Variants in ADAMTS16 observed in about 807,000 individuals in gnomAD.
ADAMTS16 encodes the protein ADAM metallopeptidase with thrombospondin type 1 motif 16.
A neutral mutation model predicts 145.8 loss-of-function variants in ADAMTS16; 94 were observed. The observed-to-expected ratio is 0.64, with a 90% CI of 0.55 to 0.77. ADAMTS16 has a LOEUF of 0.77. Among genes scored for constraint, ADAMTS16 ranks in the 30% least tolerant of loss-of-function variants. The pLI is 0.00. For synonymous variants in ADAMTS16, 659 were observed against 604.3 expected, an observed-to-expected ratio of 1.09 and a Z score of -1.33; for missense variants, 1,585 against 1,591.5, an observed-to-expected ratio of 1.00 and a Z score of 0.07.
At chr5:5,303,872 A>G (rs1473489244) in intron 20 of ADAMTS16, 106 bp downstream of exon 20, 1 of 1,305,284 alleles carries the variant, frequency 7.7e-7, no homozygotes, top group African/African-American at 1.5e-5. Context: ...CTCCCCTTAT[A>G]TCTCTTCTTG....
intron 18 of ADAMTS16, among the ~76,000 whole-genome samples, chr5:5,290,859 C>A (rs1739282699): frequency 6.6e-6 from 1 of 152,156 alleles, no homozygotes; most frequent in Non-Finnish European, 1.5e-5. Flanking sequence ...GTTCTTCCCG[C>A]TGTGACCATT....
intron 20 of ADAMTS16, among the ~76,000 whole-genome samples, chr5:5,304,575 G>A (rs1379495337): frequency 6.6e-6 from 1 of 152,082 alleles, no homozygotes; most frequent in African/African-American, 2.4e-5. Context: ...ACGCTCCTCA[G>A]GGAGGGACCC....
chr5:5,209,011 G>T, intron 9 of ADAMTS16, 82 bp from the exon 10 acceptor site: 1 of 1,452,338 alleles, frequency 6.9e-7, no homozygotes, highest in South Asian at 1.4e-5. Context: ...AAAATTACAT[G>T]GGGGAGAAAG....
At chr5:5,163,379 A>G (rs866845159) in intron 3 of ADAMTS16, among the ~76,000 whole-genome samples, 1 of 152,198 alleles carries the variant, frequency 6.6e-6, no homozygotes, top group Non-Finnish European at 1.5e-5. Flanking sequence ...TCATCTGAAG[A>G]TTATACAATT....
At chr5:5,306,310 C>T (rs1740151151) in intron 20 of ADAMTS16, among the ~76,000 whole-genome samples, 194 bp from the exon 21 acceptor site, 1 of 152,138 alleles carries the variant, frequency 6.6e-6, no homozygotes, top group African/African-American at 2.4e-5. Context: ...TGATGCTGTG[C>T]CACTGACTTC....
At chr5:5,210,250 GT>G (rs1046747055) in intron 10 of ADAMTS16, among the ~76,000 whole-genome samples, 75 of 151,938 alleles carry the variant, frequency 4.9e-4, no homozygotes, top group African/African-American at 1.6e-3. Context: ...AAACTAATGG[GT>G]TTTTTTCAAA....
At chr5:5,272,978 G>A (rs1738539867) in intron 18 of ADAMTS16, among the ~76,000 whole-genome samples, 1 of 152,162 alleles carries the variant, frequency 6.6e-6, no homozygotes, top group Admixed American at 6.5e-5. Context: ...TACTTGCAGG[G>A]GGAAGAAGTA....
chr5:5,187,520 T>G (rs942898072), intron 5 of ADAMTS16, among the ~76,000 whole-genome samples: 3 of 152,196 alleles, frequency 2.0e-5, no homozygotes, highest in African/African-American at 7.2e-5. Flanking sequence ...TTCTTAGGTG[T>G]TTGACCGTAA....
At chr5:5,292,614 T>C (rs552389395) in intron 18 of ADAMTS16, among the ~76,000 whole-genome samples, 12 of 152,112 alleles carry the variant, frequency 7.9e-5, no homozygotes, top group South Asian at 2.1e-4. Context: ...CTCTCCATTG[T>C]CATTTGCTTG....
intron 17 of ADAMTS16, among the ~76,000 whole-genome samples, chr5:5,260,494 C>T (rs1361056805): frequency 6.6e-6 from 1 of 152,232 alleles, no homozygotes; most frequent in African/African-American, 2.4e-5. Flanking sequence ...GTGCAAACCA[C>T]TTACCTGGGT....
At chr5:5,223,059 CT>C in intron 11 of ADAMTS16, 175 bp downstream of exon 11, 1 of 555,948 alleles carries the variant, frequency 1.8e-6, no homozygotes, top group South Asian at 2.8e-5. Flanking sequence ...AAGAGGAATC[CT>C]TTTCTCACTT....
At chr5:5,291,460 C>T (rs917628227) in intron 18 of ADAMTS16, among the ~76,000 whole-genome samples, 9 of 152,086 alleles carry the variant, frequency 5.9e-5, no homozygotes, top group East Asian at 1.9e-4. Context: ...CAGCCCTTCC[C>T]GAGCACTTCC....
At chr5:5,272,079 A>C (rs1738501766) in intron 18 of ADAMTS16, among the ~76,000 whole-genome samples, 1 of 152,098 alleles carries the variant, frequency 6.6e-6, no homozygotes, top group African/African-American at 2.4e-5. Context: ...TTTCGATCTG[A>C]GGCCGTGAAA....
intron 18 of ADAMTS16, among the ~76,000 whole-genome samples, chr5:5,267,066 G>C (rs923047733): frequency 7.2e-5 from 11 of 152,152 alleles, no homozygotes; most frequent in Non-Finnish European, 1.5e-4. Flanking sequence ...ATTGAAACTG[G>C]AGGAGCTCCC....
intron 18 of ADAMTS16, among the ~76,000 whole-genome samples, chr5:5,286,367 T>C (rs1431919930): frequency 6.6e-6 from 1 of 152,150 alleles, no homozygotes; most frequent in Non-Finnish European, 1.5e-5. Flanking sequence ...CATATTCCCT[T>C]AGTTTTCTGG....
chr5:5,226,775 T>G (rs917022223), intron 11 of ADAMTS16, among the ~76,000 whole-genome samples: 8 of 152,220 alleles, frequency 5.3e-5, no homozygotes, highest in Non-Finnish European at 1.0e-4. Flanking sequence ...TCATTTTTAA[T>G]GCCAAATTCT....
At chr5:5,213,745 C>T (rs1402866334) in intron 10 of ADAMTS16, among the ~76,000 whole-genome samples, 4 of 152,144 alleles carry the variant, frequency 2.6e-5, no homozygotes, top group Admixed American at 2.6e-4. Context: ...TCTCTCTACT[C>T]TGTGTGAGCC....
In ADAMTS16 at chr5:5,182,098, C is replaced by A. The variant is rs1735354638; in HGVS notation, c.556C>A (p.His186Asn). The change falls in exon 4 of 23, where the codon CAC becomes AAC. Residue 186 changes from histidine to asparagine, a missense_variant. This residue lies in a region of ADAMTS16 where 453 missense variants were observed against 412.1 expected (regional missense o/e 1.10). Transcript: ENST00000274181. ...ADYFLRPLPS[H>N]LSWKLGRAAQ... ...TTACTTCCTAAGGCCACTTCCTTCA[C>A]ACCTCTCATGGAAACTCGGCAGAGC... The A allele has an allele frequency of 6.2e-7, 1 of 1,614,012 alleles. No individual in the cohort carries two copies. The highest frequency in any genetic ancestry group is 1.1e-5 in the South Asian group (1 of 91,088).
intron 3 of ADAMTS16, among the ~76,000 whole-genome samples, chr5:5,153,570 A>G (rs575200118): frequency 6.6e-6 from 1 of 152,324 alleles, no homozygotes; most frequent in Non-Finnish European, 1.5e-5. Flanking sequence ...TTTGAAGTGT[A>G]TAGTTTATTA....
Sources: gnomAD v4.1 joint callset for allele counts (sites outside exome capture counted in the v4.1 genomes callset) on GRCh38, gnomAD v4.1.1 for gene constraint, gnomAD v4.1.1 regional missense constraint, MANE v1.5 for transcripts, NCBI Gene and HGNC (gene_info 2026-07-23, HGNC 2026-07-21) for gene names.